MYL1: variants seen among roughly 807,000 people sequenced by gnomAD.
MYL1 encodes myosin light chain 1.
MYL1 carries 16 observed loss-of-function variants against 21.8 expected under a neutral mutation model. That is an observed-to-expected ratio of 0.74 (90% CI 0.50 to 1.12). The LOEUF (loss-of-function observed/expected upper bound fraction) is 1.12. MYL1 is among the 50% of genes most tolerant of loss of function. MYL1 has a pLI of 0.00. For missense variants in MYL1, 246 were observed against 241.0 expected (o/e 1.02, Z -0.14); for synonymous variants, 99 against 85.2 (o/e 1.16, Z -0.89).
At chr2:210,312,573 C>T (rs745470432) in intron 1 of MYL1, among the ~76,000 whole-genome samples, 26 of 151,808 alleles carry the variant, frequency 1.7e-4, no homozygotes, top group Non-Finnish European at 3.7e-4. Context: ...TTTGGCCATG[C>T]TAGAATACAT....
rs777926476 is a variant in MYL1, at chr2:210,294,228, G to A, written c.478+17C>T. ...TATATTCTGTCTCACTAAGTCCACT[G>A]AAATAAATTCCCTTACCCAGGGTGG... On this transcript the variant is annotated intron_variant, in intron 4 of 6. Coordinates refer to ENST00000352451, the MANE Select transcript of MYL1 (RefSeq NM_079420.3). 6.3e-7 allele frequency: 1 copy of A among 1,597,136 alleles called. No homozygotes were observed. Among genetic ancestry groups the A allele is most frequent in the South Asian group, 1.1e-5 (1 of 88,330 alleles).
At chr2:210,305,832 G>A (rs1219221947) in intron 1 of MYL1, among the ~76,000 whole-genome samples, 4 of 151,852 alleles carry the variant, frequency 2.6e-5, no homozygotes, top group Admixed American at 2.0e-4. Flanking sequence ...AGGCCGAGGC[G>A]GGCGGATCAC....
Position 210,298,455 on chromosome 2 carries a change from T to C in MYL1, c.269A>G (p.Glu90Gly). Residue 90 changes from glutamate to glycine, a missense_variant, in exon 3 of 7, where the codon GAG (glutamate) becomes GGG (glycine). Transcript: ENST00000352451. Reference protein sequence around the residue: ...RALGTNPTNAEVRKVLGNPSN... With the variant: ...RALGTNPTNAGVRKVLGNPSN... The stretch of plus-strand genomic sequence containing the variant: ...GGGGTTTCCCAGAACTTTCCTGACC[T>C]CTGCATTGGTGGGATTTGTGCCCAG... 1 of 1,614,028 alleles carries C rather than the reference T, an allele frequency of 6.2e-7. No individual in the cohort carries two copies. The highest frequency in any genetic ancestry group is 8.5e-7 in the Non-Finnish European group (1 of 1,179,970).
intron 2 of MYL1, 136 bp downstream of exon 2, chr2:210,302,352 G>C (rs577139215): frequency 4.7e-5 from 33 of 700,150 alleles, no homozygotes; most frequent in Admixed American, 1.1e-4. Flanking sequence ...TAGAGTGATC[G>C]AGAGCAATTT....
intron 1 of MYL1, among the ~76,000 whole-genome samples, chr2:210,307,038 A>T (rs1157228795): frequency 6.6e-6 from 1 of 152,132 alleles, no homozygotes; most frequent in African/African-American, 2.4e-5. Flanking sequence ...CTCTCCTCTC[A>T]TTGCTTCTTT....
chr2:210,310,121 A>G (rs923421088), intron 1 of MYL1, among the ~76,000 whole-genome samples: 1 of 152,108 alleles, frequency 6.6e-6, no homozygotes, highest in African/African-American at 2.4e-5. Context: ...CAAATGGATT[A>G]ATATTGCAAT....
In MYL1 at chr2:210,298,556, C is replaced by A. The variant is rs138478671; in HGVS notation, c.168G>T (p.Lys56Asn). 2 of 1,613,700 alleles carry A rather than the reference C, an allele frequency of 1.2e-6. No homozygotes were observed. The highest frequency in any genetic ancestry group is 2.7e-5 in the African/African-American group (2 of 74,892). The change falls in exon 3 of 7, where the codon AAG becomes AAT. Residue 56 changes from lysine to asparagine, a missense_variant. Physicochemically the swap from Lys to Asn is moderately conservative, Grantham distance 94. Transcript: ENST00000352451. ...TTCTGTCAAACAGGAGAAATGCCTC[C>A]TTGAATTCTGCAAAAAGCAAGAAGC... ...EFSKEQQDEFKEAFLLFDRTG... is the reference protein window; with the variant it reads ...EFSKEQQDEFNEAFLLFDRTG...
intron 4 of MYL1, 95 bp from the exon 5 acceptor site, chr2:210,293,895 C>A: frequency 9.4e-7 from 1 of 1,060,756 alleles, no homozygotes. Flanking sequence ...AGACTAAACT[C>A]TTGACATATA....
chr2:210,296,689 A>G (rs1690178928), intron 3 of MYL1, among the ~76,000 whole-genome samples: 1 of 152,140 alleles, frequency 6.6e-6, no homozygotes, highest in Non-Finnish European at 1.5e-5. Flanking sequence ...TTAGTTACTC[A>G]GGAGGGACTA....
intron 2 of MYL1, among the ~76,000 whole-genome samples, chr2:210,300,167 A>T (rs1690242341): frequency 6.6e-6 from 1 of 152,138 alleles, no homozygotes; most frequent in African/African-American, 2.4e-5. Context: ...TCATGGACAG[A>T]CTGCTCAGCA....
intron 5 of MYL1, among the ~76,000 whole-genome samples, chr2:210,292,614 T>C (rs1465655459): frequency 6.6e-6 from 1 of 152,114 alleles, no homozygotes; most frequent in Non-Finnish European, 1.5e-5. Flanking sequence ...TTTTGCCATA[T>C]AGATTTTTTA....
chr2:210,294,177 T>C, intron 4 of MYL1, 68 bp downstream of exon 4: 1 of 1,391,332 alleles, frequency 7.2e-7, no homozygotes, highest in Middle Eastern at 1.9e-4. Flanking sequence ...GGTAGTGACA[T>C]GATTCTCCTG....
chr2:210,294,274 G>A lies in MYL1; in HGVS notation c.449C>T (p.Ala150Val), dbSNP rs1340572673. 6.2e-7 allele frequency: 1 copy of A among 1,613,482 alleles called. No homozygotes were observed. The highest frequency in any genetic ancestry group is 8.5e-7 in the Non-Finnish European group (1 of 1,179,808). The change falls in exon 4 of 7, where the codon GCT becomes GTT. Residue 150 changes from alanine (A) to valine (V), a missense_variant. Coordinates refer to ENST00000352451, the MANE Select transcript of MYL1 (RefSeq NM_079420.3). ...GGTGGCTAGAACATGGCGGAGTTCA[G>A]CACCCATGACTGTGCCATTGCCTTC... ...DKEGNGTVMG[A>V]ELRHVLATLG...
At chr2:210,314,681 G>A (rs1690463157) in intron 1 of MYL1, among the ~76,000 whole-genome samples, 1 of 152,090 alleles carries the variant, frequency 6.6e-6, no homozygotes, top group South Asian at 2.1e-4. Context: ...GGAAACTTGA[G>A]AATAAAAAAT....
chr2:210,298,962 C>A (rs936547174), intron 2 of MYL1, among the ~76,000 whole-genome samples: 2 of 152,120 alleles, frequency 1.3e-5, no homozygotes, highest in South Asian at 4.2e-4. Context: ...TTCAATCAGG[C>A]TCATGGTATG....
chr2:210,314,000 A>G (rs1690453864), intron 1 of MYL1, among the ~76,000 whole-genome samples: 1 of 152,098 alleles, frequency 6.6e-6, no homozygotes, highest in African/African-American at 2.4e-5. Flanking sequence ...TTGTAATATG[A>G]GCCAATCAGA....
intron 1 of MYL1, 76 bp downstream of exon 1, chr2:210,314,835 A>G (rs1466442228): frequency 2.7e-6 from 4 of 1,503,348 alleles, no homozygotes; most frequent in Non-Finnish European, 2.8e-6. Flanking sequence ...TGAAAAATAC[A>G]CGCCTTTGCA....
rs555277091 is a variant in MYL1, at chr2:210,311,724, T to C, written c.132+3187A>G. Among the ~76,000 whole-genome samples the C allele has an allele frequency of 3.9e-5, 6 of 152,190 alleles. No individual in the cohort carries two copies. The South Asian group carries it at 1.0e-3, about 26-fold the overall frequency. Reference sequence around the variant, plus strand: ...TTGCAGTTTTGAGCAATGCATATTCTTGTTTTTGAACCTACAACCATACTT... The same window carrying C: ...TTGCAGTTTTGAGCAATGCATATTCCTGTTTTTGAACCTACAACCATACTT... On this transcript the variant is annotated intron_variant, in intron 1 of 6. Coordinates refer to ENST00000352451, the MANE Select transcript of MYL1 (RefSeq NM_079420.3).
At chr2:210,293,885 A>C in intron 4 of MYL1, 85 bp from the exon 5 acceptor site, 1 of 1,157,790 alleles carries the variant, frequency 8.6e-7, no homozygotes, top group Non-Finnish European at 1.3e-6. Flanking sequence ...AGGGCTCTGG[A>C]GACTAAACTC....
Sources: allele counts gnomAD v4.1 joint callset (sites outside exome capture counted in the v4.1 genomes callset), GRCh38; gene constraint gnomAD v4.1.1; transcripts MANE v1.5; gene names NCBI Gene and HGNC (gene_info 2026-07-23, HGNC 2026-07-21).